Variants in DNAJB8 observed in about 807,000 individuals in gnomAD.
DNAJB8 encodes the protein dnaJ homolog subfamily B member 8.
For missense variants in DNAJB8, 354 were observed against 318.9 expected, an observed-to-expected ratio of 1.11 and a Z score of -0.84; for synonymous variants, 127 against 127.1, an observed-to-expected ratio of 1.00 and a Z score of 0.00.
chr3:128,464,656 A>G (rs1000588358), intron 2 of DNAJB8, among the ~76,000 whole-genome samples: 5 of 152,168 alleles, frequency 3.3e-5, no homozygotes, highest in East Asian at 1.9e-4. Context: ...CCCCACTCCA[A>G]TTAAGATCAA....
chr3:128,466,256 A>G (rs1235039327), intron 1 of DNAJB8: 1 of 152,286 alleles, frequency 6.6e-6, no homozygotes, highest in Non-Finnish European at 1.5e-5. Flanking sequence ...TCTCAGGGCA[A>G]TAGGAAGAGA....
At position 128,463,972 on chromosome 3, in the gene DNAJB8, C is replaced by T. The variant is rs966874498; in HGVS notation, c.-727G>A. 1.2e-5 allele frequency: 2 copies of T among 166,990 alleles called. No homozygotes were observed. Among genetic ancestry groups the T allele is most frequent in the African/African-American group, 2.4e-5 (1 of 41,400 alleles). 10.3% of individuals were successfully genotyped at this position (166,990 alleles called of 1,614,324 possible). On this transcript the variant is annotated 5_prime_UTR_variant, in exon 3 of 3. Coordinates refer to ENST00000319153, the MANE Select transcript of DNAJB8 (RefSeq NM_153330.6). Reference sequence around the variant, plus strand: ...AGGACAGTGGCTGGCACACGAGGGCCGTCGGTAAACTCTTGGATGAACCAG... The same window carrying T: ...AGGACAGTGGCTGGCACACGAGGGCTGTCGGTAAACTCTTGGATGAACCAG...
At position 128,463,293 on chromosome 3, in the gene DNAJB8, C is replaced by CCCCT; in HGVS notation, c.-49_-48insAGGG. ...AGAGGGAACGTGGAGGCCAGGTGGG[C>CCCCT]GCAGGGGCCCAGCTGGTCAGATGGA... On this transcript the variant is annotated 5_prime_UTR_variant, in exon 3 of 3. Transcript: ENST00000319153. 6.5e-7 allele frequency: 1 copy of CCCCT among 1,537,912 alleles called. No individual in the cohort carries two copies. Among genetic ancestry groups the CCCCT allele is most frequent in the Non-Finnish European group, 8.8e-7 (1 of 1,131,626 alleles).
chr3:128,464,432 C>A (rs956348959), intron 2 of DNAJB8, among the ~76,000 whole-genome samples: 1 of 152,184 alleles, frequency 6.6e-6, no homozygotes, highest in Non-Finnish European at 1.5e-5. Context: ...CGATTTCAGA[C>A]CTCTGGCCTC....
Position 128,462,774 on chromosome 3 carries a change from C to T in DNAJB8, c.472G>A (p.Gly158Arg), listed in dbSNP as rs375861387. The change falls in exon 3 of 3, where the codon GGG becomes AGG. Residue 158 changes from glycine to arginine, a missense_variant. Physicochemically the swap from Gly to Arg is moderately radical, Grantham distance 125 (BLOSUM62 -2). Transcript: ENST00000319153. ...GATGAGAAGGTGGTGTGGCTGCCCCCGCTGCAGCCCAGCATGTTGAAGGAT... is the reference window on the plus strand; with the variant it reads ...GATGAGAAGGTGGTGTGGCTGCCCCTGCTGCAGCCCAGCATGTTGAAGGAT... ...FSSFNMLGCS[G>R]GSHTTFSSTS... The T allele has an allele frequency of 3.0e-5, 49 of 1,613,980 alleles. No homozygotes were observed. Among genetic ancestry groups the T allele is most frequent in the Admixed American group, 3.3e-5 (2 of 59,998 alleles).
intron 2 of DNAJB8, among the ~76,000 whole-genome samples, chr3:128,464,354 G>A (rs1201925026): frequency 6.6e-6 from 1 of 152,230 alleles, no homozygotes; most frequent in Non-Finnish European, 1.5e-5. Flanking sequence ...CACTGACGCA[G>A]CTGGAAGCTG....
chr3:128,465,977 A>T (rs2068510023), intron 1 of DNAJB8: 1 of 152,144 alleles, frequency 6.6e-6, no homozygotes, highest in Non-Finnish European at 1.5e-5. Context: ...CACGACAAAC[A>T]TCTAGTTCCC....
rs761664766 is a variant in DNAJB8, at chr3:128,463,112, T to A, written c.134A>T (p.Lys45Met). 1.9e-6 allele frequency: 3 copies of A among 1,614,102 alleles called. No homozygotes were observed. In the African/African-American group the frequency reaches 4.0e-5, roughly 22 times the overall value. The change falls in exon 3 of 3, where the codon AAG becomes ATG. Residue 45 changes from lysine to methionine, a missense_variant. Physicochemically the swap from Lys to Met is moderately conservative, Grantham distance 95 (BLOSUM62 -1). Transcript: ENST00000319153. The part of the protein sequence containing the change: ...NPDNKEEAEK[K>M]FKLVSEAYEV... Reference sequence around the variant, plus strand: ...ATAGGCCTCAGACACCAGCTTGAACTTCTTCTCCGCCTCCTCCTTATTGTC... The same window carrying A: ...ATAGGCCTCAGACACCAGCTTGAACATCTTCTCCGCCTCCTCCTTATTGTC...
Position 128,466,813 on chromosome 3 carries a change from G to T in DNAJB8, c.-1226C>A. 1 of 152,330 alleles carries T rather than the reference G, an allele frequency of 6.6e-6. No individual in the cohort carries two copies. 9.4% of individuals were successfully genotyped at this position (152,330 alleles called of 1,614,324 possible). ...GCGAAGACCCTGCTTCTGAGCCACA[G>T]GCTGAGGCATGGATGGGGAGCTTCC... On this transcript the variant is annotated 5_prime_UTR_variant, in exon 1 of 3. In the 5' UTR this introduces an upstream ATG that the reference lacks. Transcript: ENST00000319153.
In DNAJB8 at chr3:128,463,101, C is replaced by A. The variant is rs992661568; in HGVS notation, c.145G>T (p.Val49Leu). ...GACAGAACCTCATAGGCCTCAGACA[C>A]CAGCTTGAACTTCTTCTCCGCCTCC... ...KEEAEKKFKL[V>L]SEAYEVLSDS... The change falls in exon 3 of 3, where the codon GTG (valine) becomes TTG (leucine). Residue 49 changes from valine to leucine, a missense_variant. Coordinates refer to ENST00000319153, the MANE Select transcript of DNAJB8 (RefSeq NM_153330.6). 1.2e-6 allele frequency: 2 copies of A among 1,614,108 alleles called. No homozygotes were observed. The highest frequency in any genetic ancestry group is 2.7e-5 in the African/African-American group (2 of 74,942).
In DNAJB8 at chr3:128,466,567, G is replaced by T. The variant is rs138977913; in HGVS notation, c.-1027+47C>A. The T allele has an allele frequency of 5.5e-3, 846 of 152,650 alleles. 2 individuals carry two copies. Among genetic ancestry groups the T allele is most frequent in the Non-Finnish European group, 0.01 (697 of 68,082 alleles). 9.5% of individuals were successfully genotyped at this position (152,650 alleles called of 1,614,324 possible). A position where few individuals can be genotyped will look rare whatever the true frequency, so the allele number is the denominator to read the frequency against. On this transcript the variant is annotated intron_variant, in intron 1 of 2. Coordinates refer to ENST00000319153, the MANE Select transcript of DNAJB8 (RefSeq NM_153330.6). Reference sequence around the variant, plus strand: ...CCGATGGCGATGGTGATGGCACTGAGGTGTGGGGCTCTGTATTTTCTGTTG... The same window carrying T: ...CCGATGGCGATGGTGATGGCACTGATGTGTGGGGCTCTGTATTTTCTGTTG...
Position 128,465,290 on chromosome 3 carries a change from A to G in DNAJB8, c.-880T>C, listed in dbSNP as rs1270050968. On this transcript the variant is annotated 5_prime_UTR_variant, in exon 2 of 3. Coordinates refer to ENST00000319153, the MANE Select transcript of DNAJB8 (RefSeq NM_153330.6). ...CATCCACCCACCTACACCTGCTGAC[A>G]CATGTGGCTTAGCAGAGGAGTTGAA... 3 of 152,300 alleles carry G rather than the reference A, an allele frequency of 2.0e-5. No homozygotes were observed. Among genetic ancestry groups the G allele is most frequent in the East Asian group, 3.9e-4 (2 of 5,194 alleles). The allele number at this position is 152,300 out of a possible 1,614,324, so 9.4% of individuals were successfully genotyped here.
Position 128,462,796 on chromosome 3 carries a change from G to A in DNAJB8, c.450C>T (p.Ser150=), listed in dbSNP as rs763172592. The change falls in exon 3 of 3, where the codon TCC becomes TCT. Residue 150 remains serine, a synonymous_variant. Coordinates refer to ENST00000319153, the MANE Select transcript of DNAJB8 (RefSeq NM_153330.6). ...CCCCGCTGCAGCCCAGCATGTTGAAGGATGAGAAGGCCTCCATGAAGGCCG... is the reference window on the plus strand; with the variant it reads ...CCCCGCTGCAGCCCAGCATGTTGAAAGATGAGAAGGCCTCCATGAAGGCCG... ...EFPAFMEAFS[S]FNMLGCSGGS... 1 of 1,614,138 alleles carries A rather than the reference G, an allele frequency of 6.2e-7. No individual in the cohort carries two copies.
Position 128,462,901 on chromosome 3 carries a change from C to G in DNAJB8, c.345G>C (p.Trp115Cys). Residue 115 changes from tryptophan to cysteine, a missense_variant, in exon 3 of 3, where the codon TGG becomes TGC. Trp to Cys is a radical substitution (Grantham distance 215). Transcript: ENST00000319153. ...CACGGTCACTATTGAATGGGCTGTCCCAGAACTCAAAGGAGAAAGGGTCCA... is the reference window on the plus strand; with the variant it reads ...CACGGTCACTATTGAATGGGCTGTCGCAGAACTCAAAGGAGAAAGGGTCCA... ...GGLDPFSFEF[W>C]DSPFNSDRGG... 6.2e-7 allele frequency: 1 copy of G among 1,614,078 alleles called. No homozygotes were observed. Among genetic ancestry groups the G allele is most frequent in the Non-Finnish European group, 8.5e-7 (1 of 1,179,956 alleles).
In DNAJB8 at chr3:128,463,164, G is replaced by T. The variant is rs747545072; in HGVS notation, c.82C>A (p.Leu28Ile). Reference sequence around the variant, plus strand: ...GGGTTCTTGTCGGGGTGCCAACGAAGGGCCAGCTTGCGGTAGGCTTTCTTG... The same window carrying T: ...GGGTTCTTGTCGGGGTGCCAACGAATGGCCAGCTTGCGGTAGGCTTTCTTG... ...DIKKAYRKLA[L>I]RWHPDKNPDN... Residue 28 changes from leucine (L) to isoleucine (I), a missense_variant, in exon 3 of 3, where the codon CTT becomes ATT. Transcript: ENST00000319153. 1 of 1,614,216 alleles carries T rather than the reference G, an allele frequency of 6.2e-7. No homozygotes were observed.
In DNAJB8 at chr3:128,462,706, C is replaced by A; in HGVS notation, c.540G>T (p.Lys180Asn). ...GGSSSGSSGF[K>N]SVMSSTEMIN... Reference sequence around the variant, plus strand: ...TCATCTCGGTGGACGACATCACCGACTTGAACCCCGAGCTGCCAGAACTGG... The same window carrying A: ...TCATCTCGGTGGACGACATCACCGAATTGAACCCCGAGCTGCCAGAACTGG... The change falls in exon 3 of 3, where the codon AAG (lysine) becomes AAT (asparagine). Residue 180 changes from lysine (K) to asparagine (N), a missense_variant. Transcript: ENST00000319153. The A allele has an allele frequency of 6.3e-7, 1 of 1,596,198 alleles. No homozygotes were observed. Among genetic ancestry groups the A allele is most frequent in the Non-Finnish European group, 8.5e-7 (1 of 1,170,320 alleles).
chr3:128,466,160 A>C (rs1223534086), intron 1 of DNAJB8: 2 of 152,262 alleles, frequency 1.3e-5, no homozygotes, highest in African/African-American at 4.8e-5. Context: ...CTGTTGGGCC[A>C]TGATGTGTGG....
chr3:128,463,445 C>T lies in DNAJB8; in HGVS notation c.-200G>A. The stretch of plus-strand genomic sequence containing the variant: ...TACCAATTCTCAGGGACTGGAGGGG[C>T]CCCCACTGAGAGGAGTGGGGGGAGG... On this transcript the variant is annotated 5_prime_UTR_variant, in exon 3 of 3. Transcript: ENST00000319153. The T allele has an allele frequency of 3.7e-6, 2 of 535,006 alleles. No homozygotes were observed. The highest frequency in any genetic ancestry group is 3.4e-5 in the Admixed American group (1 of 29,602). The allele number at this position is 535,006 out of a possible 1,614,324, so 33.1% of individuals were successfully genotyped here. A position where few individuals can be genotyped will look rare whatever the true frequency, so the allele number is the denominator to read the frequency against.
Position 128,462,552 on chromosome 3 carries a change from T to C in DNAJB8, c.694A>G (p.Lys232Glu). 6.2e-7 allele frequency: 1 copy of C among 1,600,506 alleles called. No individual in the cohort carries two copies. Among genetic ancestry groups the C allele is most frequent in the Non-Finnish European group, 8.5e-7 (1 of 1,170,224 alleles). ...CAGGGCCGGGTGGCCAGCGCCTACT[T>C]GCTGTCCATCCATTTGAGCTGCTCC... ...GKEQLKWMDS[K>E] The change falls in exon 3 of 3, where the codon AAG becomes GAG. Residue 232 changes from lysine (K) to glutamate (E), a missense_variant. By Grantham distance (56) the Lys-to-Glu change is moderately conservative (BLOSUM62 1). Transcript: ENST00000319153.
Sources: gnomAD v4.1 joint callset for allele counts (sites outside exome capture counted in the v4.1 genomes callset) on GRCh38, gnomAD v4.1.1 for gene constraint, MANE v1.5 for transcripts, NCBI Gene and HGNC (gene_info 2026-07-23, HGNC 2026-07-21) for gene names.